The following CCDC169 variants were observed in gnomAD, a reference collection of about 807,000 sequenced individuals.
CCDC169 encodes coiled-coil domain containing 169.
A neutral mutation model predicts 36.0 loss-of-function variants in CCDC169; 30 were observed. The observed-to-expected ratio is 0.83, with a 90% CI of 0.62 to 1.13. The LOEUF (loss-of-function observed/expected upper bound fraction) is 1.13, where lower values mean the gene tolerates loss of function less well. CCDC169 is among the 50% of genes most tolerant of loss of function. The probability of loss-of-function intolerance (pLI) is 0.00; values close to 1 mark genes in which losing one functional copy is unlikely to be tolerated. For missense variants in CCDC169, 245 were observed against 245.9 expected (o/e 1.00, Z 0.03); for synonymous variants, 85 against 81.5 (o/e 1.04, Z -0.23).
At chr13:36,255,036 T>TC (rs1873680035) in intron 4 of CCDC169, among the ~76,000 whole-genome samples, 1 of 152,134 alleles carries the variant, frequency 6.6e-6, no homozygotes, top group Non-Finnish European at 1.5e-5. Flanking sequence ...CATTTTTTTT[T>TC]CCAGAGTGCC....
chr13:36,271,264 T>C (rs988032369), intron 4 of CCDC169, among the ~76,000 whole-genome samples: 3 of 152,164 alleles, frequency 2.0e-5, no homozygotes, highest in African/African-American at 7.2e-5. Flanking sequence ...AAATAGATGT[T>C]GGCATGGATG....
intron 1 of CCDC169, among the ~76,000 whole-genome samples, chr13:36,296,932 T>G (rs1288209147): frequency 6.6e-6 from 1 of 152,214 alleles, no homozygotes; most frequent in Non-Finnish European, 1.5e-5. Context: ...TGCAGGACTG[T>G]CCTCAAGTAC....
At chr13:36,292,421 A>G (rs1879016190) in intron 2 of CCDC169, among the ~76,000 whole-genome samples, 3 of 152,238 alleles carry the variant, frequency 2.0e-5, no homozygotes, top group South Asian at 2.1e-4. Context: ...TTAAAAAAAA[A>G]GTCACCTGAA....
chr13:36,262,323 C>G (rs1874706616), intron 4 of CCDC169, among the ~76,000 whole-genome samples: 1 of 152,168 alleles, frequency 6.6e-6, no homozygotes, highest in South Asian at 2.1e-4. Context: ...TTGAACTGTA[C>G]CAGCATGACT....
At chr13:36,273,718 A>G (rs145669621) in intron 4 of CCDC169, among the ~76,000 whole-genome samples, 1 of 152,294 alleles carries the variant, frequency 6.6e-6, no homozygotes, top group African/African-American at 2.4e-5. Context: ...AATTCCATCA[A>G]TGTTTTTATT....
chr13:36,279,651 T>TC (rs1877257750), intron 4 of CCDC169, among the ~76,000 whole-genome samples: 1 of 152,152 alleles, frequency 6.6e-6, no homozygotes, highest in Non-Finnish European at 1.5e-5. Flanking sequence ...AGTTTATGGA[T>TC]CACTGCCTTA....
At position 36,231,229 on chromosome 13, in the gene CCDC169, A is replaced by T. The variant is rs1418864665; in HGVS notation, c.609T>A (p.Ile203=). The T allele has an allele frequency of 6.4e-7, 1 of 1,551,422 alleles. No individual in the cohort carries two copies. The stretch of plus-strand genomic sequence containing the variant: ...GTTCTGGAAGATGGTTTGGTCTTGT[A>T]ATCTTTTTTACTGGTCCTCTCTTGG... ...VSAKRGPVKK[I]TRPNHLPELH... The change falls in exon 8 of 8, where the codon ATT becomes ATA. Residue 203 remains isoleucine (I), a synonymous_variant. Coordinates refer to ENST00000239859, the MANE Select transcript of CCDC169 (RefSeq NM_001144981.3).
At chr13:36,257,886 C>T (rs1437014670) in intron 4 of CCDC169, among the ~76,000 whole-genome samples, 1 of 151,754 alleles carries the variant, frequency 6.6e-6, no homozygotes, top group Non-Finnish European at 1.5e-5. Flanking sequence ...CCCTCTTGAC[C>T]TCCATATTCA....
At chr13:36,226,426 G>C (rs954405534), downstream of CCDC169, 1 of 152,224 alleles carries the variant, frequency 6.6e-6, no homozygotes, top group African/African-American at 2.4e-5. Context: ...ATTCACAAGA[G>C]TTCGTGCTCC....
At chr13:36,256,152 G>A (rs1464976207) in intron 4 of CCDC169, among the ~76,000 whole-genome samples, 1 of 152,186 alleles carries the variant, frequency 6.6e-6, no homozygotes, top group Non-Finnish European at 1.5e-5. Flanking sequence ...GTTTGCCCTT[G>A]AAGATCTCCA....
At chr13:36,234,051 A>G (rs557771270) in intron 7 of CCDC169, among the ~76,000 whole-genome samples, 4 of 152,200 alleles carry the variant, frequency 2.6e-5, no homozygotes, top group Non-Finnish European at 4.4e-5. Context: ...CTTCATCTAC[A>G]TAAAAAGTCC....
At chr13:36,227,571 A>G (rs1420691251), downstream of CCDC169, among the ~76,000 whole-genome samples, 2 of 152,180 alleles carry the variant, frequency 1.3e-5, no homozygotes, top group Non-Finnish European at 2.9e-5. Flanking sequence ...TATTTTTAGG[A>G]TCATATTATT....
chr13:36,287,311 A>T (rs1474924634), intron 2 of CCDC169, among the ~76,000 whole-genome samples: 11 of 152,160 alleles, frequency 7.2e-5, no homozygotes, highest in Non-Finnish European at 1.6e-4. Context: ...AAAGCGGTTT[A>T]AAAAAACTGC....
At chr13:36,273,749 C>T (rs560156663) in intron 4 of CCDC169, among the ~76,000 whole-genome samples, 5 of 152,108 alleles carry the variant, frequency 3.3e-5, no homozygotes, top group South Asian at 2.1e-4. Flanking sequence ...TTGTAATGTA[C>T]TAATTTCTAA....
rs1566087501 is a variant in CCDC169 at position 36,283,509 on chromosome 13, T to C, written c.275A>G (p.Asp92Gly). The C allele has an allele frequency of 3.9e-6, 6 of 1,550,892 alleles. No individual in the cohort carries two copies. The highest frequency in any genetic ancestry group is 3.5e-6 in the Non-Finnish European group (4 of 1,146,440). The change falls in exon 4 of 8, where the codon GAT becomes GGT. Residue 92 changes from aspartate to glycine, a missense_variant and splice_region_variant. By Grantham distance (94) the Asp-to-Gly change is moderately conservative (BLOSUM62 -1). Coordinates refer to ENST00000239859, the MANE Select transcript of CCDC169 (RefSeq NM_001144981.3). Reference sequence around the variant, plus strand: ...ATAGACACGAATAGAAGATAGTCTATCTACAATAAATCAAATATGAGCACT... The same window carrying C: ...ATAGACACGAATAGAAGATAGTCTACCTACAATAAATCAAATATGAGCACT... Reference protein sequence around the residue: ...KVEKIHGNSSDRLSSIRVYER... With the variant: ...KVEKIHGNSSGRLSSIRVYER...
At chr13:36,266,433 C>T (rs1875330040) in intron 4 of CCDC169, among the ~76,000 whole-genome samples, 1 of 152,140 alleles carries the variant, frequency 6.6e-6, no homozygotes, top group Non-Finnish European at 1.5e-5. Flanking sequence ...TTAGGGGCAC[C>T]TATCCAGATG....
chr13:36,267,180 G>C (rs1368261302), intron 4 of CCDC169: 1 of 152,136 alleles, frequency 6.6e-6, no homozygotes, highest in Non-Finnish European at 1.5e-5. Context: ...ACTCACTTCT[G>C]CAGCACATAT....
intron 4 of CCDC169, among the ~76,000 whole-genome samples, chr13:36,272,115 A>C (rs1285078123): frequency 7.0e-5 from 6 of 85,432 alleles, no homozygotes; most frequent in East Asian, 7.0e-4. Flanking sequence ...AAATAAATAA[A>C]TAAATAAAAT....
intron 4 of CCDC169, chr13:36,282,449 T>C: frequency 2.0e-6 from 2 of 985,380 alleles, no homozygotes; most frequent in Non-Finnish European, 2.4e-6. Context: ...CGCTGACTCC[T>C]TGATTAGATT....
Sources: gnomAD v4.1 joint callset for allele counts (sites outside exome capture counted in the v4.1 genomes callset) on GRCh38, gnomAD v4.1.1 for gene constraint, MANE v1.5 for transcripts, NCBI Gene and HGNC (gene_info 2026-07-23, HGNC 2026-07-21) for gene names.